The following RALGAPA2 variants were observed in gnomAD, a reference collection of about 807,000 sequenced individuals.
RALGAPA2 encodes the protein ral GTPase-activating protein subunit alpha-2.
RALGAPA2 carries 139 observed loss-of-function variants against 230.4 expected under a neutral mutation model. That is an observed-to-expected ratio of 0.60 (90% confidence interval 0.53 to 0.69). The LOEUF (loss-of-function observed/expected upper bound fraction) is 0.69, where lower values mean the gene tolerates loss of function less well. RALGAPA2 is among the 30% of genes least tolerant of loss of function. The pLI is 0.00. For missense variants in RALGAPA2, 2,163 were observed against 2,276.0 expected (o/e 0.95, Z 1.01); for synonymous variants, 847 against 837.8 (o/e 1.01, Z -0.19).
At chr20:20,647,703 C>T (rs761568177) in intron 4 of RALGAPA2, among the ~76,000 whole-genome samples, 25 of 151,590 alleles carry the variant, frequency 1.6e-4, no homozygotes, top group Non-Finnish European at 2.4e-4. Flanking sequence ...AAAATATTTC[C>T]AAGGCATCAA....
chr20:20,502,793 C>G (rs2062415295), intron 35 of RALGAPA2, among the ~76,000 whole-genome samples: 1 of 152,222 alleles, frequency 6.6e-6, no homozygotes, highest in African/African-American at 2.4e-5. Context: ...AGGCTTCCTT[C>G]CCAGAGTTAA....
chr20:20,455,389 C>A (rs1262865983), intron 37 of RALGAPA2, among the ~76,000 whole-genome samples: 1 of 152,172 alleles, frequency 6.6e-6, no homozygotes, highest in Non-Finnish European at 1.5e-5. Context: ...ATAACGTGCA[C>A]GGAAACACTA....
In RALGAPA2 at chr20:20,391,911, C is replaced by G. The variant is rs1244378591; in HGVS notation, c.*1378G>C. Reference sequence around the variant, plus strand: ...TCCCTTCCCACTGCAGGGCGTTGCTCTGTACCTGGCCGCTGTGAGAACAAA... The same window carrying G: ...TCCCTTCCCACTGCAGGGCGTTGCTGTGTACCTGGCCGCTGTGAGAACAAA... On this transcript the variant is annotated 3_prime_UTR_variant, in exon 40 of 40. Coordinates refer to ENST00000202677, the MANE Select transcript of RALGAPA2 (RefSeq NM_020343.4). 6.6e-6 allele frequency: 1 copy of G among 152,394 alleles called. No individual in the cohort carries two copies. 9.4% of individuals were successfully genotyped at this position (152,394 alleles called of 1,614,324 possible).
chr20:20,686,783 A>G (rs2068716586), intron 1 of RALGAPA2, among the ~76,000 whole-genome samples: 2 of 152,168 alleles, frequency 1.3e-5, no homozygotes, highest in Non-Finnish European at 2.9e-5. Flanking sequence ...CCTCTTCAAT[A>G]GCAATTCTAT....
intron 37 of RALGAPA2, among the ~76,000 whole-genome samples, chr20:20,443,867 G>T (rs1249481326): frequency 6.6e-6 from 1 of 152,242 alleles, no homozygotes; most frequent in Non-Finnish European, 1.5e-5. Flanking sequence ...GGGGAATCTC[G>T]AGTCCATCTC....
At chr20:20,557,912 G>A (rs2064134158) in intron 23 of RALGAPA2, among the ~76,000 whole-genome samples, 1 of 152,142 alleles carries the variant, frequency 6.6e-6, no homozygotes, top group Admixed American at 6.5e-5. Context: ...GTTCCTTACA[G>A]GAAGGGAAAA....
intron 37 of RALGAPA2, among the ~76,000 whole-genome samples, chr20:20,439,286 C>G (rs2060683589): frequency 6.6e-6 from 1 of 151,844 alleles, no homozygotes; most frequent in Non-Finnish European, 1.5e-5. Flanking sequence ...GATCTCAACT[C>G]ACTGCAGCCG....
chr20:20,497,553 T>C (rs1351367942), intron 35 of RALGAPA2, among the ~76,000 whole-genome samples: 2 of 152,222 alleles, frequency 1.3e-5, no homozygotes, highest in South Asian at 2.1e-4. Flanking sequence ...CACCACCCGA[T>C]GTTGGTGCTC....
At chr20:20,671,462 C>G (rs1327311173) in intron 3 of RALGAPA2, among the ~76,000 whole-genome samples, 1 of 152,174 alleles carries the variant, frequency 6.6e-6, no homozygotes, top group Non-Finnish European at 1.5e-5. Flanking sequence ...CTTCCAAACC[C>G]TTATAAACTA....
intron 14 of RALGAPA2, among the ~76,000 whole-genome samples, chr20:20,606,433 C>T (rs567516672): frequency 2.0e-5 from 3 of 152,310 alleles, no homozygotes; most frequent in African/African-American, 7.2e-5. Flanking sequence ...AGGCACCTAT[C>T]AAAGAGCATA....
intron 3 of RALGAPA2, among the ~76,000 whole-genome samples, chr20:20,675,589 C>G (rs2068291655): frequency 6.6e-6 from 1 of 152,120 alleles, no homozygotes; most frequent in Non-Finnish European, 1.5e-5. Context: ...TCCAGGTACC[C>G]GTAATCTGGC....
At chr20:20,483,657 G>A (rs1375004259) in intron 36 of RALGAPA2, among the ~76,000 whole-genome samples, 1 of 152,148 alleles carries the variant, frequency 6.6e-6, no homozygotes, top group African/African-American at 2.4e-5. Context: ...GGGAAACCAT[G>A]TGCAACCCCC....
chr20:20,407,826 T>C (rs771998954), intron 38 of RALGAPA2, among the ~76,000 whole-genome samples: 1 of 152,228 alleles, frequency 6.6e-6, no homozygotes, highest in Non-Finnish European at 1.5e-5. Context: ...AGATGAAAGT[T>C]TGCAGTTTTG....
At chr20:20,421,503 T>C (rs561300633) in intron 37 of RALGAPA2, among the ~76,000 whole-genome samples, 1 of 152,258 alleles carries the variant, frequency 6.6e-6, no homozygotes, top group Admixed American at 6.5e-5. Context: ...AAACCCTGTC[T>C]CTACTAAAAA....
intron 32 of RALGAPA2, among the ~76,000 whole-genome samples, chr20:20,512,181 C>CT: frequency 6.6e-6 from 1 of 151,524 alleles, no homozygotes; most frequent in East Asian, 2.0e-4. Flanking sequence ...GAGCAAGACT[C>CT]TGTCTCAAAA....
intron 23 of RALGAPA2, among the ~76,000 whole-genome samples, chr20:20,548,748 T>C (rs1258315099): frequency 6.6e-6 from 1 of 152,168 alleles, no homozygotes; most frequent in African/African-American, 2.4e-5. Flanking sequence ...GAACAAAAGA[T>C]CCACCTTTTT....
chr20:20,467,472 T>C (rs753294780), intron 37 of RALGAPA2, among the ~76,000 whole-genome samples: 1 of 152,212 alleles, frequency 6.6e-6, no homozygotes, highest in Non-Finnish European at 1.5e-5. Flanking sequence ...TCTACATGAT[T>C]TCTAAAAAAA....
At chr20:20,575,350 T>C (rs545251684) in intron 20 of RALGAPA2, among the ~76,000 whole-genome samples, 22 of 152,228 alleles carry the variant, frequency 1.4e-4, no homozygotes, top group African/African-American at 5.1e-4. Flanking sequence ...AGGCATGGTC[T>C]TTGGTCAGTT....
chr20:20,568,214 A>T (rs997725663), intron 23 of RALGAPA2, among the ~76,000 whole-genome samples: 32 of 151,950 alleles, frequency 2.1e-4, no homozygotes, highest in Non-Finnish European at 2.8e-4. Context: ...ATCAATTTTT[A>T]AAAAAAATTC....
Sources: allele counts gnomAD v4.1 joint callset (sites outside exome capture counted in the v4.1 genomes callset), GRCh38; gene constraint gnomAD v4.1.1; transcripts MANE v1.5; gene names NCBI Gene and HGNC (gene_info 2026-07-23, HGNC 2026-07-21).